The following SLC7A6 variants were observed in gnomAD, a reference collection of about 807,000 sequenced individuals.
SLC7A6 encodes Y+L amino acid transporter 2.
Under a neutral mutation model 46.6 loss-of-function variants are expected in SLC7A6, and 29 were observed. The observed-to-expected ratio is 0.62, with a 90% confidence interval of 0.46 to 0.85. The LOEUF (loss-of-function observed/expected upper bound fraction) is 0.85. Among genes scored for constraint, SLC7A6 ranks in the 40% least tolerant of loss-of-function variants. The pLI is 0.00. For synonymous variants in SLC7A6, 276 were observed against 257.3 expected, an observed-to-expected ratio of 1.07 and a Z score of -0.70; for missense variants, 527 against 647.6, an observed-to-expected ratio of 0.81 and a Z score of 2.02.
In SLC7A6 at chr16:68,296,740, A is replaced by T. The variant is rs1201163331; in HGVS notation, c.1383A>T (p.Gly461=). ...SLIGIGIALS[G]VPFYFMGVYL... ...TTGGCATCGGGATTGCCCTTTCTGG[A>T]GTCCCTTTCTACTTCATGGGTGTTT... The change falls in exon 10 of 11, where the codon GGA becomes GGT. Residue 461 remains glycine, a synonymous_variant. Coordinates refer to ENST00000219343, the MANE Select transcript of SLC7A6 (RefSeq NM_003983.6). The T allele has an allele frequency of 6.2e-7, 1 of 1,613,974 alleles. No homozygotes were observed. Among genetic ancestry groups the T allele is most frequent in the African/African-American group, 1.3e-5 (1 of 74,868 alleles).
At chr16:68,279,391 T>C (rs2042788062) in intron 3 of SLC7A6, among the ~76,000 whole-genome samples, 2 of 152,146 alleles carry the variant, frequency 1.3e-5, no homozygotes, top group South Asian at 4.1e-4. Context: ...TTAGAAAACA[T>C]GGTTTGAAGA....
Position 68,301,440 on chromosome 16 carries a change from G to C in SLC7A6, c.*4112G>C, listed in dbSNP as rs776327889. The stretch of plus-strand genomic sequence containing the variant: ...CATCCCGGGAGTGGATTCTAAATGT[G>C]ATTTTCCTAGGCTACTGCAGGAGCC... On this transcript the variant is annotated 3_prime_UTR_variant, in exon 11 of 11. Transcript: ENST00000219343. The C allele has an allele frequency of 1.3e-6, 2 of 1,598,258 alleles. No individual in the cohort carries two copies. The highest frequency in any genetic ancestry group is 1.7e-6 in the Non-Finnish European group (2 of 1,169,496).
rs56153233 is a variant in SLC7A6 at position 68,280,740 on chromosome 16, C to CTT, written c.523+5502_523+5503dup. Among the ~76,000 whole-genome samples, 146 of 145,648 alleles carry CTT rather than the reference C, an allele frequency of 1.0e-3. 2 individuals carry two copies. Among genetic ancestry groups the CTT allele is most frequent in the African/African-American group, 3.3e-3 (133 of 39,892 alleles). On this transcript the variant is annotated intron_variant, in intron 3 of 10. Coordinates refer to ENST00000219343, the MANE Select transcript of SLC7A6 (RefSeq NM_003983.6). ...GAGCCTCTGTGGAGGGCTCTGGCTC[C>CTT]TTTTTTTTTTTTGAGACAGAGTCTT...
Position 68,287,885 on chromosome 16 carries a change from A to G in SLC7A6, c.649+14A>G. The G allele has an allele frequency of 6.2e-7, 1 of 1,612,076 alleles. No individual in the cohort carries two copies. The highest frequency in any genetic ancestry group is 2.2e-5 in the East Asian group (1 of 44,830). ...AACTGTGCCAGGGTAAGTGGTGGGA[A>G]GGGGGGTACCACCAACAGTTCCTCT... On this transcript the variant is annotated intron_variant, in intron 4 of 10. Transcript: ENST00000219343.
chr16:68,273,465 G>A (rs1194969205), intron 2 of SLC7A6, among the ~76,000 whole-genome samples: 1 of 152,184 alleles, frequency 6.6e-6, no homozygotes, highest in African/African-American at 2.4e-5. Flanking sequence ...TGGCACAGGA[G>A]TTGAGGGAGG....
At position 68,300,751 on chromosome 16, in the gene SLC7A6, C is replaced by G; in HGVS notation, c.*3423C>G. The G allele has an allele frequency of 3.0e-6, 3 of 985,496 alleles. No individual in the cohort carries two copies. The highest frequency in any genetic ancestry group is 3.6e-6 in the Non-Finnish European group (3 of 829,970). 61.0% of individuals were successfully genotyped at this position (985,496 alleles called of 1,614,324 possible). ...GTTTGGAAGCAGAAATAGCTGTTAA[C>G]TAAAATCTCCCACTGCTCAGACTAC... On this transcript the variant is annotated 3_prime_UTR_variant, in exon 11 of 11. Transcript: ENST00000219343.
At chr16:68,293,519 C>T (rs1302169075) in intron 7 of SLC7A6, among the ~76,000 whole-genome samples, 1 of 152,210 alleles carries the variant, frequency 6.6e-6, no homozygotes, top group Non-Finnish European at 1.5e-5. Context: ...TAGCCTCCCC[C>T]TGCTCTAGTT....
chr16:68,292,017 A>G (rs892275619), intron 7 of SLC7A6: 1 of 234,468 alleles, frequency 4.3e-6, no homozygotes, highest in East Asian at 1.2e-4. Context: ...TCATGTTTCC[A>G]TCTGAGATGA....
At chr16:68,279,622 T>A (rs1026402397) in intron 3 of SLC7A6, among the ~76,000 whole-genome samples, 31 of 152,210 alleles carry the variant, frequency 2.0e-4, no homozygotes, top group African/African-American at 7.2e-4. Flanking sequence ...CACTGCAACC[T>A]CCACCTCCCA....
Position 68,294,730 on chromosome 16 carries a change from G to C in SLC7A6, c.1048G>C (p.Gly350Arg), listed in dbSNP as rs745975132. The C allele has an allele frequency of 6.8e-6, 11 of 1,613,820 alleles. No homozygotes were observed. Among genetic ancestry groups the C allele is most frequent in the Non-Finnish European group, 9.3e-6 (11 of 1,179,824 alleles). The change falls in exon 8 of 11, where the codon GGC becomes CGC. Residue 350 changes from glycine to arginine, a missense_variant. Gly to Arg is a moderately radical substitution (Grantham distance 125). Coordinates refer to ENST00000219343, the MANE Select transcript of SLC7A6 (RefSeq NM_003983.6). ...GTTGTTCTTCGTGGGCTCCCGGGAG[G>C]GCCACCTACCGGACCTTCTGTCCAT... is the stretch of plus-strand genomic sequence containing the variant. ...SRLFFVGSRE[G>R]HLPDLLSMIH...
chr16:68,296,053 C>T (rs1006272343), intron 8 of SLC7A6, among the ~76,000 whole-genome samples: 3 of 152,130 alleles, frequency 2.0e-5, no homozygotes, highest in Non-Finnish European at 4.4e-5. Flanking sequence ...ACCGTGTAAT[C>T]CATGTTAAGG....
intron 3 of SLC7A6, chr16:68,284,612 T>C (rs528077015): frequency 2.0e-6 from 2 of 983,064 alleles, no homozygotes; most frequent in African/African-American, 3.5e-5. Flanking sequence ...TATGGCAGGA[T>C]AGAAGGAAGG....
At chr16:68,281,739 A>T (rs944025184) in intron 3 of SLC7A6, among the ~76,000 whole-genome samples, 4 of 152,248 alleles carry the variant, frequency 2.6e-5, no homozygotes, top group Admixed American at 2.6e-4. Context: ...ATTTGACTGC[A>T]GAAGGGTGGT....
intron 3 of SLC7A6, 110 bp downstream of exon 3, chr16:68,275,359 G>T (rs2042692141): frequency 1.5e-6 from 2 of 1,354,434 alleles, no homozygotes; most frequent in Admixed American, 2.1e-5. Context: ...ACTTTGGGAG[G>T]CTGAGGCGGG....
At chr16:68,295,468 T>A (rs1298846665) in intron 8 of SLC7A6, among the ~76,000 whole-genome samples, 2 of 152,224 alleles carry the variant, frequency 1.3e-5, no homozygotes, top group Non-Finnish European at 2.9e-5. Context: ...CTAATTTATT[T>A]TTTGTAGAGA....
Position 68,297,511 on chromosome 16 carries a change from T to A in SLC7A6, c.*183T>A. Reference sequence around the variant, plus strand: ...AGGAGACTCAGGATCTGGGCCAACCTCAAGGTGGGGGCTTCAGAGGGTGGG... The same window carrying A: ...AGGAGACTCAGGATCTGGGCCAACCACAAGGTGGGGGCTTCAGAGGGTGGG... On this transcript the variant is annotated 3_prime_UTR_variant, in exon 11 of 11. Coordinates refer to ENST00000219343, the MANE Select transcript of SLC7A6 (RefSeq NM_003983.6). 5.0e-6 allele frequency: 1 copy of A among 199,052 alleles called. No homozygotes were observed. Among genetic ancestry groups the A allele is most frequent in the Non-Finnish European group, 1.0e-5 (1 of 99,678 alleles). 12.3% of individuals were successfully genotyped at this position (199,052 alleles called of 1,614,324 possible).
chr16:68,299,702 TGA>T lies in SLC7A6; in HGVS notation c.*2377_*2378del, dbSNP rs1340639042. 6.6e-6 allele frequency: 1 copy of T among 152,184 alleles called. No individual in the cohort carries two copies. The highest frequency in any genetic ancestry group is 2.4e-5 in the African/African-American group (1 of 41,434). 9.4% of individuals were successfully genotyped at this position (152,184 alleles called of 1,614,324 possible). A position where few individuals can be genotyped will look rare whatever the true frequency, so the allele number is the denominator to read the frequency against. Reference sequence around the variant, plus strand: ...TTGTTTTTTTCACCCGGTTGCTGTATGAGAATGGCTTTCAATCCTTTGTTTCT... The same window carrying T: ...TTGTTTTTTTCACCCGGTTGCTGTATGAATGGCTTTCAATCCTTTGTTTCT... On this transcript the variant is annotated 3_prime_UTR_variant, in exon 11 of 11. Coordinates refer to ENST00000219343, the MANE Select transcript of SLC7A6 (RefSeq NM_003983.6).
At chr16:68,294,902 C>G (rs2043132437) in intron 8 of SLC7A6, 101 bp downstream of exon 8, 1 of 734,018 alleles carries the variant, frequency 1.4e-6, no homozygotes, top group Non-Finnish European at 2.4e-6. Flanking sequence ...AAAGGCCTTA[C>G]TCTAAGATGT....
intron 4 of SLC7A6, among the ~76,000 whole-genome samples, chr16:68,289,743 G>A (rs757869352): frequency 2.0e-5 from 3 of 152,128 alleles, no homozygotes; most frequent in Non-Finnish European, 4.4e-5. Flanking sequence ...AGGCTGGGCT[G>A]GCTCCCCGGA....
Sources: allele counts gnomAD v4.1 joint callset (sites outside exome capture counted in the v4.1 genomes callset), GRCh38; gene constraint gnomAD v4.1.1; transcripts MANE v1.5; gene names NCBI Gene and HGNC (gene_info 2026-07-23, HGNC 2026-07-21).